TBC1D22A: variants seen among roughly 807,000 people sequenced by gnomAD.
TBC1D22A encodes putative GTPase activator.
A neutral mutation model predicts 60.2 loss-of-function variants in TBC1D22A; 38 were observed. The observed-to-expected ratio is 0.63, with a 90% CI of 0.49 to 0.83. The LOEUF is 0.83. Ranked by LOEUF, TBC1D22A falls within the 40% of genes least tolerant of loss-of-function variation. The pLI, the probability that TBC1D22A is intolerant of heterozygous loss-of-function variation, is 0.00. For synonymous variants in TBC1D22A, 302 were observed against 281.7 expected, an observed-to-expected ratio of 1.07 and a Z score of -0.72; for missense variants, 628 against 701.0, an observed-to-expected ratio of 0.90 and a Z score of 1.18.
chr22:46,848,305 A>C (rs2087112861), intron 4 of TBC1D22A, among the ~76,000 whole-genome samples: 2 of 152,334 alleles, frequency 1.3e-5, no homozygotes, highest in Middle Eastern at 3.4e-3. Flanking sequence ...CTCATGCTAG[A>C]AGCTTTCCTT....
At chr22:47,099,269 GAT>G (rs1349925925) in intron 11 of TBC1D22A, among the ~76,000 whole-genome samples, 2 of 152,110 alleles carry the variant, frequency 1.3e-5, no homozygotes, top group Non-Finnish European at 2.9e-5. Context: ...CACATTACCA[GAT>G]AAGAAGCCTG....
rs6009016 is a variant in TBC1D22A, at chr22:46,883,872, C to T, written c.708+5149C>T. 7.3e-3 allele frequency among the ~76,000 whole-genome samples: 1,116 copies of T among 152,328 alleles called. 22 individuals carry two copies. The highest frequency in any genetic ancestry group is 0.026 in the African/African-American group (1,064 of 41,578). ...TCTGTGCTCCGTCTCTTTCTCTCCA[C>T]CTCTGTCTTCTCCACTATCAAAACC... is the stretch of plus-strand genomic sequence containing the variant. On this transcript the variant is annotated intron_variant, in intron 5 of 12. Coordinates refer to ENST00000337137, the MANE Select transcript of TBC1D22A (RefSeq NM_014346.5).
chr22:47,080,946 C>T (rs1355831525), intron 11 of TBC1D22A, among the ~76,000 whole-genome samples: 1 of 151,952 alleles, frequency 6.6e-6, no homozygotes, highest in African/African-American at 2.4e-5. Flanking sequence ...CATGGAGAAA[C>T]CCTGTCTCTA....
intron 4 of TBC1D22A, among the ~76,000 whole-genome samples, chr22:46,853,150 G>A (rs533751634): frequency 1.3e-5 from 2 of 152,272 alleles, no homozygotes; most frequent in East Asian, 3.9e-4. Context: ...CTGAGCATCC[G>A]TGTGTGTTTC....
chr22:46,877,476 A>G (rs1387484832), intron 4 of TBC1D22A, among the ~76,000 whole-genome samples: 1 of 152,212 alleles, frequency 6.6e-6, no homozygotes, highest in Admixed American at 6.5e-5. Context: ...TAAACATTAC[A>G]TTATTGGTGT....
chr22:47,168,426 T>G (rs1028959644), intron 12 of TBC1D22A, among the ~76,000 whole-genome samples: 7 of 151,536 alleles, frequency 4.6e-5, no homozygotes, highest in Admixed American at 2.0e-4. Flanking sequence ...CCAAGTGCTG[T>G]GGGCTCGGTT....
chr22:47,126,545 C>A (rs1001510624), intron 12 of TBC1D22A, among the ~76,000 whole-genome samples: 3 of 152,252 alleles, frequency 2.0e-5, no homozygotes, highest in Non-Finnish European at 4.4e-5. Flanking sequence ...CTGAGCGCAT[C>A]TCACTCTAGC....
chr22:46,878,694 G>C lies in TBC1D22A; in HGVS notation c.679G>C (p.Val227Leu). The change falls in exon 5 of 13, where the codon GTG (valine) becomes CTG (leucine). Residue 227 changes from valine to leucine, a missense_variant. Transcript: ENST00000337137. ...RLSWSGIPKP[V>L]RPMTWKLLSG... ...GAGCTGGTCCGGAATCCCTAAGCCA[G>C]TGCGTCCAATGACGTGGAAGCTCCT... The C allele has an allele frequency of 6.2e-7, 1 of 1,613,234 alleles. No individual in the cohort carries two copies. Among genetic ancestry groups the C allele is most frequent in the Non-Finnish European group, 8.5e-7 (1 of 1,179,876 alleles).
In TBC1D22A at chr22:46,941,344, T is replaced by TAGA. The variant is rs1410246998; in HGVS notation, c.1015+29157_1015+29158insGAA. Among the ~76,000 whole-genome samples, 759 of 149,002 alleles carry TAGA rather than the reference T, an allele frequency of 5.1e-3. 36 individuals are homozygous for TAGA. Among genetic ancestry groups the TAGA allele is most frequent in the African/African-American group, 0.018 (737 of 40,692 alleles). On this transcript the variant is annotated intron_variant, in intron 8 of 12. Coordinates refer to ENST00000337137, the MANE Select transcript of TBC1D22A (RefSeq NM_014346.5). ...GGACTGGGGCACTACAATATATATA[T>TAGA]ATATAGAATATATATACAGAATATA...
intron 11 of TBC1D22A, among the ~76,000 whole-genome samples, chr22:47,076,378 TATACACAC>T (rs1288392823): frequency 8.4e-5 from 9 of 106,718 alleles, no homozygotes; most frequent in African/African-American, 3.6e-4. Context: ...TATATATATA[TATACACAC>T]ACACACACAC....
chr22:46,780,292 A>G (rs1431617475), intron 1 of TBC1D22A, among the ~76,000 whole-genome samples: 2 of 152,250 alleles, frequency 1.3e-5, no homozygotes, highest in Non-Finnish European at 2.9e-5. Flanking sequence ...TGAAATACAG[A>G]GAAGCATTTA....
intron 10 of TBC1D22A, among the ~76,000 whole-genome samples, chr22:47,032,535 C>G (rs184991600): frequency 6.6e-6 from 1 of 152,292 alleles, no homozygotes; most frequent in Non-Finnish European, 1.5e-5. Flanking sequence ...GAAGAACACC[C>G]AGGCTCTGTA....
intron 1 of TBC1D22A, among the ~76,000 whole-genome samples, chr22:46,764,711 A>G (rs1421145583): frequency 6.6e-6 from 1 of 152,208 alleles, no homozygotes; most frequent in Non-Finnish European, 1.5e-5. Flanking sequence ...AAATTTGAAT[A>G]CAGAGAGACA....
chr22:46,921,160 T>C (rs540507281), intron 8 of TBC1D22A, among the ~76,000 whole-genome samples: 2 of 152,250 alleles, frequency 1.3e-5, no homozygotes, highest in African/African-American at 4.8e-5. Context: ...GTCACAGGGG[T>C]TTGGTGTACA....
chr22:46,995,513 T>TTGTGTGTG (rs560356769), intron 9 of TBC1D22A, among the ~76,000 whole-genome samples: 74 of 151,200 alleles, frequency 4.9e-4, no homozygotes, highest in African/African-American at 1.7e-3. Context: ...TGCACGCACT[T>TTGTGTGTG]TGTGTGTGTG....
chr22:47,036,705 C>T (rs1213874051), intron 10 of TBC1D22A, among the ~76,000 whole-genome samples: 1 of 152,222 alleles, frequency 6.6e-6, no homozygotes. Context: ...CCTGGGACAC[C>T]AGCCTGGGTC....
At chr22:46,865,608 C>G (rs570453875) in intron 4 of TBC1D22A, among the ~76,000 whole-genome samples, 1 of 152,308 alleles carries the variant, frequency 6.6e-6, no homozygotes, top group South Asian at 2.1e-4. Context: ...AAATGAGACC[C>G]TTCCAGCCCC....
At chr22:46,878,768 A>G (rs369096474) in intron 5 of TBC1D22A, 45 bp downstream of exon 5, 1 of 1,589,732 alleles carries the variant, frequency 6.3e-7, no homozygotes, top group Non-Finnish European at 8.6e-7. Flanking sequence ...TCCTGTGCAC[A>G]GGGACTGCAG....
chr22:46,809,206 C>T (rs2085280588), intron 4 of TBC1D22A, among the ~76,000 whole-genome samples: 1 of 152,104 alleles, frequency 6.6e-6, no homozygotes, highest in African/African-American at 2.4e-5. Flanking sequence ...CTTGCAGATG[C>T]CACATTTTTG....
Sources: gnomAD v4.1 joint callset for allele counts (sites outside exome capture counted in the v4.1 genomes callset) on GRCh38, gnomAD v4.1.1 for gene constraint, MANE v1.5 for transcripts, NCBI Gene and HGNC (gene_info 2026-07-23, HGNC 2026-07-21) for gene names.